MYH9: variants seen among roughly 807,000 people sequenced by gnomAD.
The protein encoded by MYH9 is myosin-9.
MYH9 carries 29 observed loss-of-function variants against 241.9 expected under a neutral mutation model. The ratio of observed to expected loss-of-function variants is 0.12; its 90% CI spans 0.09 to 0.16. MYH9 has a LOEUF of 0.16. Ranked by LOEUF, MYH9 falls within the 10% of genes least tolerant of loss-of-function variation. The pLI, the probability that MYH9 is intolerant of heterozygous loss-of-function variation, is 1.00. For synonymous variants in MYH9, 1,047 were observed against 1,062.6 expected (o/e 0.99, Z 0.29); for missense variants, 1,803 against 2,595.5 (o/e 0.69, Z 6.63).
In MYH9 at chr22:36,320,698, G is replaced by C; in HGVS notation, c.868+100C>G. 9.4e-7 allele frequency: 1 copy of C among 1,058,326 alleles called. No homozygotes were observed. Among genetic ancestry groups the C allele is most frequent in the Non-Finnish European group, 1.4e-6 (1 of 700,398 alleles). 65.6% of individuals were successfully genotyped at this position (1,058,326 alleles called of 1,614,324 possible). A position where few individuals can be genotyped will look rare whatever the true frequency, so the allele number is the denominator to read the frequency against. On this transcript the variant is annotated intron_variant, in intron 8 of 40. Transcript: ENST00000216181. This position sits in a 1 kb window ranked among gnomAD's most constrained non-coding sequence, Gnocchi z 4.8. ...CTCACTTCTCCCCGTTAAACCCAAG[G>C]CCAAAAGTTTTCATTTCCCAAATGA...
rs3833921 is a variant in MYH9 at position 36,295,341 on chromosome 22, TAGAG to T, written c.3485+160_3485+163del. Among the ~76,000 whole-genome samples the T allele has an allele frequency of 6.6e-6, 1 of 152,052 alleles. No homozygotes were observed. Among genetic ancestry groups the T allele is most frequent in the Non-Finnish European group, 1.5e-5 (1 of 67,996 alleles). ...GTCCTTCAACAGACTTTCTACTCTG[TAGAG>T]AGAAACCGCTGAGGAACCAGCAGCT... On this transcript the variant is annotated intron_variant, in intron 26 of 40. Transcript: ENST00000216181. The surrounding 1 kb of genome is among the most constrained non-coding windows in gnomAD (Gnocchi z 4.1).
At position 36,296,540 on chromosome 22, in the gene MYH9, CTT is replaced by C. The variant is rs67917055; in HGVS notation, c.3272+301_3272+302del. On this transcript the variant is annotated intron_variant, in intron 25 of 40. Transcript: ENST00000216181. ...CGTGAGCCAACGTGCCTGGTCAAGT[CTT>C]TTTTTTTTTTTTTTTTTTTTTTAAG... is the stretch of plus-strand genomic sequence containing the variant. Among the ~76,000 whole-genome samples the C allele has an allele frequency of 0.083, 8,413 of 100,812 alleles. 271 individuals are homozygous for C. Among genetic ancestry groups the C allele is most frequent in the Middle Eastern group, 0.15 (27 of 180 alleles). 66.1% of individuals were successfully genotyped at this position (100,812 alleles called of 152,430 possible).
At chr22:36,316,733 T>C (rs998915452) in intron 11 of MYH9, 64 bp from the exon 12 acceptor site, 3 of 1,597,486 alleles carry the variant, frequency 1.9e-6, no homozygotes, top group African/African-American at 2.7e-5. Flanking sequence ...TCATACCCTA[T>C]GCCCCAGTAA....
rs1242151006 is a variant in MYH9, at chr22:36,295,262, T to C, written c.3486-186A>G. Among the ~76,000 whole-genome samples, 1 of 152,216 alleles carries C rather than the reference T, an allele frequency of 6.6e-6. No homozygotes were observed. Among genetic ancestry groups the C allele is most frequent in the South Asian group, 2.1e-4 (1 of 4,836 alleles). On this transcript the variant is annotated intron_variant, in intron 26 of 40. Coordinates refer to ENST00000216181, the MANE Select transcript of MYH9 (RefSeq NM_002473.6). This position sits in a 1 kb window ranked among gnomAD's most constrained non-coding sequence, Gnocchi z 4.1. ...CTCAAATACGCCCTGTGAGAGCTTC[T>C]GTAGCCTTTCAGCTTTAAAGCCCAG...
chr22:36,358,112 T>C (rs1276076846), intron 1 of MYH9, among the ~76,000 whole-genome samples: 7 of 152,302 alleles, frequency 4.6e-5, no homozygotes, highest in Non-Finnish European at 5.9e-5. Flanking sequence ...CCCATCAGGC[T>C]GGAATGCAGT....
At chr22:36,345,980 T>C (rs1298053072) in intron 2 of MYH9, among the ~76,000 whole-genome samples, 2 of 151,828 alleles carry the variant, frequency 1.3e-5, no homozygotes, top group African/African-American at 2.4e-5. Context: ...AACCCCGTCT[T>C]TACTAAAAAT....
At chr22:36,308,846 T>C (rs751526546) in intron 15 of MYH9, 9 of 985,172 alleles carry the variant, frequency 9.1e-6, no homozygotes, top group Non-Finnish European at 1.1e-5. Context: ...ATGATAGAAA[T>C]AGGCTCTCTG....
intron 1 of MYH9, among the ~76,000 whole-genome samples, chr22:36,372,382 G>C (rs1228551214): frequency 6.6e-6 from 1 of 151,816 alleles, no homozygotes; most frequent in African/African-American, 2.4e-5. Context: ...ACAGCTACTT[G>C]GGAGGCTGAG....
At chr22:36,294,020 G>T in intron 28 of MYH9, 72 bp downstream of exon 28, 1 of 1,547,970 alleles carries the variant, frequency 6.5e-7, no homozygotes, top group Non-Finnish European at 8.8e-7. Flanking sequence ...GAGCACACAT[G>T]CACCTGGGGA....
chr22:36,347,152 G>T (rs1019468945), intron 2 of MYH9, among the ~76,000 whole-genome samples: 1 of 152,126 alleles, frequency 6.6e-6, no homozygotes, highest in African/African-American at 2.4e-5. Flanking sequence ...TTGCCTCTGG[G>T]ATGCATAAAT....
At position 36,282,194 on chromosome 22, in the gene MYH9, G is replaced by A. The variant is rs55979529; in HGVS notation, c.*474C>T. The A allele has an allele frequency of 1.1e-3, 371 of 347,286 alleles. 1 individual carries two copies. Among genetic ancestry groups the A allele is most frequent in the Middle Eastern group, 1.7e-3 (2 of 1,196 alleles). The allele number at this position is 347,286 out of a possible 1,614,324, so 21.5% of individuals were successfully genotyped here. ...GGGCAGAGGTGTGTGAGGTCACCAC[G>A]TGTGATTGCAAACAGCAAAGAAAGG... is the stretch of plus-strand genomic sequence containing the variant. On this transcript the variant is annotated 3_prime_UTR_variant, in exon 41 of 41. Coordinates refer to ENST00000216181, the MANE Select transcript of MYH9 (RefSeq NM_002473.6).
In MYH9 at chr22:36,288,287, G is replaced by A. The variant is rs757547632; in HGVS notation, c.4897C>T (p.Arg1633Trp). 33 of 1,613,934 alleles carry A rather than the reference G, an allele frequency of 2.0e-5. No homozygotes were observed. The highest frequency in any genetic ancestry group is 2.7e-5 in the African/African-American group (2 of 74,912). The change falls in exon 34 of 41, where the codon CGG (arginine) becomes TGG (tryptophan). Residue 1633 changes from arginine to tryptophan, a missense_variant. By Grantham distance (101) the Arg-to-Trp change is moderately radical. Transcript: ENST00000216181. This position sits in a 1 kb window ranked among gnomAD's most constrained non-coding sequence, Gnocchi z 4.8. Reference sequence around the variant, plus strand: ...CGCAGCTGTTTGATGGCTTCGTCCCGGTTCTTGTTGGCCGAGTCGATGTGC... The same window carrying A: ...CGCAGCTGTTTGATGGCTTCGTCCCAGTTCTTGTTGGCCGAGTCGATGTGC... ...EAHIDSANKNRDEAIKQLRKL... is the reference protein window; with the variant it reads ...EAHIDSANKNWDEAIKQLRKL...
chr22:36,309,585 C>A (rs376132446), intron 14 of MYH9, among the ~76,000 whole-genome samples, 189 bp from the exon 15 acceptor site: 8 of 152,204 alleles, frequency 5.3e-5, no homozygotes, highest in Non-Finnish European at 1.0e-4. Context: ...ACGTTCTCTG[C>A]GGCGTCTCGT....
chr22:36,287,014 G>A (rs1340141941), intron 34 of MYH9, 168 bp from the exon 35 acceptor site: 2 of 872,622 alleles, frequency 2.3e-6, no homozygotes, highest in Middle Eastern at 3.4e-4. Flanking sequence ...ACAATCATCT[G>A]TGTATCCCAC....
At chr22:36,311,151 G>A (rs114404546) in intron 14 of MYH9, among the ~76,000 whole-genome samples, 1 of 152,206 alleles carries the variant, frequency 6.6e-6, no homozygotes, top group Non-Finnish European at 1.5e-5. Flanking sequence ...GCAATTAACT[G>A]TTAGGGTCTT....
chr22:36,292,631 C>T lies in MYH9; in HGVS notation c.4096-397G>A, dbSNP rs371104890. Among the ~76,000 whole-genome samples the T allele has an allele frequency of 1.4e-4, 21 of 152,334 alleles. No homozygotes were observed. The East Asian group carries it at 3.5e-3, about 25-fold the overall frequency. ...ATAAACCCACAATCAGGCACGCTCGCGGGCTACTCCTACCCTGACTGTGGA... is the reference window on the plus strand; with the variant it reads ...ATAAACCCACAATCAGGCACGCTCGTGGGCTACTCCTACCCTGACTGTGGA... On this transcript the variant is annotated intron_variant, in intron 30 of 40. Coordinates refer to ENST00000216181, the MANE Select transcript of MYH9 (RefSeq NM_002473.6).
chr22:36,311,993 C>A (rs947866368), intron 14 of MYH9, 56 bp downstream of exon 14: 3 of 1,600,546 alleles, frequency 1.9e-6, no homozygotes, highest in Non-Finnish European at 2.6e-6. Context: ...TAGAGAGCCT[C>A]GACTCCACCT....
intron 15 of MYH9, among the ~76,000 whole-genome samples, chr22:36,308,599 T>A (rs1252040009): frequency 6.6e-6 from 1 of 151,980 alleles, no homozygotes; most frequent in African/African-American, 2.4e-5. Context: ...ACACAGCCCC[T>A]CATTTGCCCA....
intron 19 of MYH9, among the ~76,000 whole-genome samples, chr22:36,303,022 G>T (rs891426096): frequency 6.6e-6 from 1 of 152,200 alleles, no homozygotes; most frequent in Non-Finnish European, 1.5e-5. Context: ...CTGGCCCTGG[G>T]TGACTCTGGA....
Sources: allele counts gnomAD v4.1 joint callset (sites outside exome capture counted in the v4.1 genomes callset), GRCh38; gene constraint gnomAD v4.1.1; non-coding constraint Gnocchi (gnomAD v3.1); transcripts MANE v1.5; gene names NCBI Gene and HGNC (gene_info 2026-07-23, HGNC 2026-07-21).